GNG7: variants seen among roughly 807,000 people sequenced by gnomAD.
GNG7 encodes G protein subunit gamma 7.
A neutral mutation model predicts 4.0 loss-of-function variants in GNG7; 1 was observed. The observed-to-expected ratio is 0.25, with a 90% CI of 0.09 to 1.18. The LOEUF is 1.18. Ranked by LOEUF, GNG7 falls within the 50% of genes most tolerant of loss-of-function variation. The probability of loss-of-function intolerance (pLI) is 0.50; values close to 1 mark genes in which losing one functional copy is unlikely to be tolerated. For synonymous variants in GNG7, 34 were observed against 36.9 expected (o/e 0.92, Z 0.29); for missense variants, 86 against 91.9 (o/e 0.94, Z 0.26).
chr19:2,634,152 A>C lies in GNG7; in HGVS notation c.-78+12072T>G, dbSNP rs1309364426. Among the ~76,000 whole-genome samples, 1 of 152,114 alleles carries C rather than the reference A, an allele frequency of 6.6e-6. No individual in the cohort carries two copies. Among genetic ancestry groups the C allele is most frequent in the East Asian group, 1.9e-4 (1 of 5,168 alleles). ...ACACCGTCTGCCCCACTGGGCGTTT[A>C]TGGTGCCTATCATGAGCAGGAAAAT... On this transcript the variant is annotated intron_variant, in intron 2 of 4. Coordinates refer to ENST00000382159, the MANE Select transcript of GNG7 (RefSeq NM_052847.3). This position sits in a 1 kb window ranked among gnomAD's most constrained non-coding sequence, Gnocchi z 5.3.
intron 2 of GNG7, among the ~76,000 whole-genome samples, chr19:2,575,927 A>G (rs970859067): frequency 1.3e-4 from 19 of 151,860 alleles, no homozygotes; most frequent in Non-Finnish European, 2.8e-4. Flanking sequence ...ACAGACACAC[A>G]GGCACATACA....
rs1209518517 is a variant in GNG7, at chr19:2,677,727, CG to C, written c.-135+24918del. 2.6e-5 allele frequency among the ~76,000 whole-genome samples: 4 copies of C among 152,038 alleles called. No individual in the cohort carries two copies. The East Asian group carries it at 7.7e-4, about 29-fold the overall frequency. ...GGGATCTGTGGAATCCCCTAACCCC[CG>C]GGGGTCTCACCTGGGGGTGATTCTG... On this transcript the variant is annotated intron_variant, in intron 1 of 4. Transcript: ENST00000382159.
At position 2,514,751 on chromosome 19, in the gene GNG7, G is replaced by A. The variant is rs540311572; in HGVS notation, c.*271C>T. 7.2e-4 allele frequency: 203 copies of A among 281,354 alleles called. 1 individual carries two copies. The highest frequency in any genetic ancestry group is 3.2e-3 in the Middle Eastern group (3 of 930). 17.4% of individuals were successfully genotyped at this position (281,354 alleles called of 1,614,324 possible). A position where few individuals can be genotyped will look rare whatever the true frequency, so the allele number is the denominator to read the frequency against. ...ATTCCGAACGGGAAGTGGCCGTAAA[G>A]CCTCCATCCCTTTTGGCCCAAACTG... is the stretch of plus-strand genomic sequence containing the variant. On this transcript the variant is annotated 3_prime_UTR_variant, in exon 5 of 5. Coordinates refer to ENST00000382159, the MANE Select transcript of GNG7 (RefSeq NM_052847.3).
intron 1 of GNG7, among the ~76,000 whole-genome samples, chr19:2,689,850 G>A (rs902706725): frequency 7.9e-5 from 12 of 152,072 alleles, no homozygotes; most frequent in Non-Finnish European, 4.4e-5. Flanking sequence ...TTTTCGGTAA[G>A]AGTCCAGATA....
chr19:2,566,101 T>C (rs1481326052), intron 2 of GNG7, among the ~76,000 whole-genome samples: 2 of 151,996 alleles, frequency 1.3e-5, no homozygotes, highest in Non-Finnish European at 2.9e-5. Context: ...GAGGTGGCAG[T>C]GAGCCAAAAT....
chr19:2,649,571 G>A (rs1442919164), intron 1 of GNG7, among the ~76,000 whole-genome samples: 2 of 151,786 alleles, frequency 1.3e-5, no homozygotes, highest in Non-Finnish European at 2.9e-5. Context: ...TGTATTTTTA[G>A]TAGAGACGGG....
intron 3 of GNG7, among the ~76,000 whole-genome samples, chr19:2,520,965 G>A (rs1324810816): frequency 6.6e-6 from 1 of 152,152 alleles, no homozygotes; most frequent in Non-Finnish European, 1.5e-5. Context: ...GAATGAAAGG[G>A]CGAAGGCAGG....
At chr19:2,569,263 TTCTCTC>T (rs60299972) in intron 2 of GNG7, among the ~76,000 whole-genome samples, 1 of 150,968 alleles carries the variant, frequency 6.6e-6, no homozygotes, top group Non-Finnish European at 1.5e-5. Context: ...ATCATCTCCA[TTCTCTC>T]TCTCTCTCTC....
chr19:2,588,511 C>T (rs763113531), intron 2 of GNG7, among the ~76,000 whole-genome samples: 13 of 152,344 alleles, frequency 8.5e-5, no homozygotes, highest in African/African-American at 2.4e-4. Flanking sequence ...CCCGTTCCCC[C>T]GGCTGGGAAA....
At chr19:2,630,295 C>T (rs922001920) in intron 2 of GNG7, among the ~76,000 whole-genome samples, 1 of 152,094 alleles carries the variant, frequency 6.6e-6, no homozygotes, top group East Asian at 1.9e-4. Flanking sequence ...GAACCCCCTC[C>T]CCTTGAGTGT....
intron 1 of GNG7, among the ~76,000 whole-genome samples, chr19:2,674,566 G>A (rs1232962732): frequency 1.3e-5 from 2 of 152,120 alleles, no homozygotes; most frequent in Non-Finnish European, 2.9e-5. Flanking sequence ...CTCCCAAGTA[G>A]CTGGGATTAC....
intron 1 of GNG7, among the ~76,000 whole-genome samples, chr19:2,670,565 T>TC: frequency 6.6e-6 from 1 of 152,344 alleles, no homozygotes; most frequent in African/African-American, 2.4e-5. Flanking sequence ...CGGGCATGGC[T>TC]GTGTGACGGG....
chr19:2,620,331 C>T (rs1256858870), intron 2 of GNG7, among the ~76,000 whole-genome samples: 1 of 151,578 alleles, frequency 6.6e-6, no homozygotes, highest in Non-Finnish European at 1.5e-5. Context: ...GCCGTCGTCC[C>T]GACCCCTCTC....
chr19:2,631,535 T>TA (rs11458664), intron 2 of GNG7, among the ~76,000 whole-genome samples: 3,521 of 152,252 alleles, frequency 0.023, 119 homozygotes, highest in African/African-American at 0.08. Flanking sequence ...ACTTTATTCA[T>TA]AAAAACAGGA....
At chr19:2,597,708 A>G (rs1432404591) in intron 2 of GNG7, among the ~76,000 whole-genome samples, 4 of 151,254 alleles carry the variant, frequency 2.6e-5, no homozygotes, top group Admixed American at 6.6e-5. Context: ...CATCCTGGCT[A>G]ACACGGTGAA....
chr19:2,559,351 C>CTTTTTTT (rs551861647), intron 2 of GNG7, among the ~76,000 whole-genome samples: 1 of 130,256 alleles, frequency 7.7e-6, no homozygotes, highest in African/African-American at 2.9e-5. Flanking sequence ...TTCTGTGTGT[C>CTTTTTTT]TTTTTTTTTT....
chr19:2,661,872 G>GCC (rs1402355702), intron 1 of GNG7, among the ~76,000 whole-genome samples: 1 of 151,986 alleles, frequency 6.6e-6, no homozygotes. Context: ...CACATTCACT[G>GCC]CCAGAATCAC....
chr19:2,651,030 G>A (rs1982797952), intron 1 of GNG7, among the ~76,000 whole-genome samples: 1 of 152,164 alleles, frequency 6.6e-6, no homozygotes, highest in African/African-American at 2.4e-5. Flanking sequence ...CAGCAGGCAG[G>A]CAAGTCTCAG....
intron 3 of GNG7, among the ~76,000 whole-genome samples, chr19:2,551,045 C>A (rs570036397): frequency 2.6e-5 from 4 of 152,288 alleles, no homozygotes; most frequent in Non-Finnish European, 5.9e-5. Flanking sequence ...CCCCACGGCA[C>A]GTGGCCACAT....
Sources: gnomAD v4.1 joint callset for allele counts (sites outside exome capture counted in the v4.1 genomes callset) on GRCh38, gnomAD v4.1.1 for gene constraint, Gnocchi (gnomAD v3.1) non-coding constraint, MANE v1.5 for transcripts, NCBI Gene and HGNC (gene_info 2026-07-23, HGNC 2026-07-21) for gene names.